Variants in ASZ1 observed in about 807,000 individuals in gnomAD.
ASZ1 encodes the protein ankyrin repeat, SAM and basic leucine zipper domain containing 1, also known as ankyrin repeat, SAM and basic leucine zipper domain-containing protein 1.
In ASZ1, 67 loss-of-function variants were observed where a neutral mutation model predicts 61.8. The observed-to-expected ratio is 1.08, with a 90% CI of 0.89 to 1.33. The LOEUF (loss-of-function observed/expected upper bound fraction) is 1.33, where lower values mean the gene tolerates loss of function less well. Ranked by LOEUF, ASZ1 falls within the 40% of genes most tolerant of loss-of-function variation. ASZ1 has a pLI of 0.00. For synonymous variants in ASZ1, 193 were observed against 192.7 expected, an observed-to-expected ratio of 1.00 and a Z score of -0.01; for missense variants, 577 against 554.5, an observed-to-expected ratio of 1.04 and a Z score of -0.41.
chr7:117,412,058 GT>G (rs1192908642), intron 4 of ASZ1, among the ~76,000 whole-genome samples: 5 of 149,990 alleles, frequency 3.3e-5, no homozygotes, highest in African/African-American at 1.2e-4. Flanking sequence ...GTGTGTGTGT[GT>G]GTGTGTGTGT....
chr7:117,383,042 G>A lies in ASZ1; in HGVS notation c.756C>T (p.Asp252=). Residue 252 remains aspartate, a synonymous_variant, in exon 7 of 13, where the codon GAC becomes GAT. Coordinates refer to ENST00000284629, the MANE Select transcript of ASZ1 (RefSeq NM_130768.3). ...EGKLQQLTKE[D]TICKILTTDS... is the part of the protein sequence containing the mutation. ...CTGTTGTCAATATTTTACAAATAGT[G>A]TCTTCTTTAGTTAGCTGTTGAAGTT... The A allele has an allele frequency of 6.3e-7, 1 of 1,587,378 alleles. No homozygotes were observed. Among genetic ancestry groups the A allele is most frequent in the Non-Finnish European group, 8.6e-7 (1 of 1,168,830 alleles).
chr7:117,426,818 C>T lies in ASZ1; in HGVS notation c.205+18G>A. The T allele has an allele frequency of 6.3e-7, 1 of 1,576,822 alleles. No individual in the cohort carries two copies. The highest frequency in any genetic ancestry group is 1.2e-5 in the South Asian group (1 of 84,886). ...TTAAGACAGCTGTGTTCAGATGAAA[C>T]TGTCCCTTATCTCTCACCAGAATCT... On this transcript the variant is annotated intron_variant, in intron 2 of 12. Transcript: ENST00000284629.
chr7:117,399,690 G>A (rs556718216), intron 4 of ASZ1, among the ~76,000 whole-genome samples: 1 of 151,966 alleles, frequency 6.6e-6, no homozygotes, highest in East Asian at 1.9e-4. Context: ...TTGCTAAGGG[G>A]TGGGGGCTGG....
intron 12 of ASZ1, among the ~76,000 whole-genome samples, chr7:117,365,147 A>T (rs1349432198): frequency 6.6e-6 from 1 of 152,224 alleles, no homozygotes; most frequent in Non-Finnish European, 1.5e-5. Context: ...CTTGTACAAG[A>T]CTAATCTGAA....
intron 4 of ASZ1, among the ~76,000 whole-genome samples, chr7:117,410,697 A>G (rs562250950): frequency 2.6e-5 from 4 of 151,684 alleles, no homozygotes; most frequent in Admixed American, 6.6e-5. Flanking sequence ...AGCTATTAGT[A>G]CTTCAGGACA....
chr7:117,426,669 A>G (rs1372066466), intron 2 of ASZ1, among the ~76,000 whole-genome samples, 167 bp downstream of exon 2: 1 of 152,064 alleles, frequency 6.6e-6, no homozygotes, highest in Non-Finnish European at 1.5e-5. Context: ...GCAAGCAGAG[A>G]GGAAGAAAAT....
At chr7:117,388,298 A>G (rs1046087057) in intron 4 of ASZ1, among the ~76,000 whole-genome samples, 5 of 152,178 alleles carry the variant, frequency 3.3e-5, no homozygotes, top group African/African-American at 1.2e-4. Context: ...ATGCTTCCCA[A>G]CTCATTCTAT....
chr7:117,400,847 C>T (rs1796666947), intron 4 of ASZ1, among the ~76,000 whole-genome samples: 1 of 152,152 alleles, frequency 6.6e-6, no homozygotes. Flanking sequence ...GTGGAAAATA[C>T]AGGAAATAAA....
rs1795963945 is a variant in ASZ1, at chr7:117,367,431, G to C, written c.1196C>G (p.Thr399Ser). 2 of 1,554,420 alleles carry C rather than the reference G, an allele frequency of 1.3e-6. No individual in the cohort carries two copies. The highest frequency in any genetic ancestry group is 1.7e-6 in the Non-Finnish European group (2 of 1,152,010). Residue 399 changes from threonine (T) to serine (S), a missense_variant, in exon 12 of 13, where the codon ACT (threonine) becomes AGT (serine). Coordinates refer to ENST00000284629, the MANE Select transcript of ASZ1 (RefSeq NM_130768.3). ...TLEWASPQNF[T>S]SVCEELVNNV... ...ATTAACCAATTCTTCACAAACTGAAGTAAAATTCTGGGGAGAAGCCCATTC... is the reference window on the plus strand; with the variant it reads ...ATTAACCAATTCTTCACAAACTGAACTAAAATTCTGGGGAGAAGCCCATTC...
chr7:117,427,405 T>A lies in ASZ1; in HGVS notation c.56A>T (p.Glu19Val). ...AATCTCCCAGCCATCATCCTCGCTC[T>A]CGCTACTCTCGCCTCCGCCAGCCAC... is the stretch of plus-strand genomic sequence containing the variant. ...LPVAGGGESS[E>V]SEDDGWEIGY... The change falls in exon 1 of 13, where the codon GAG becomes GTG. Residue 19 changes from glutamate (E) to valine (V), a missense_variant. Physicochemically the swap from Glu to Val is moderately radical, Grantham distance 121. Coordinates refer to ENST00000284629, the MANE Select transcript of ASZ1 (RefSeq NM_130768.3). 6.2e-7 allele frequency: 1 copy of A among 1,614,146 alleles called. No homozygotes were observed. The highest frequency in any genetic ancestry group is 8.5e-7 in the Non-Finnish European group (1 of 1,180,010).
At position 117,386,656 on chromosome 7, in the gene ASZ1, T is replaced by A. The variant is rs532036074; in HGVS notation, c.441-847A>T. 5.3e-5 allele frequency among the ~76,000 whole-genome samples: 8 copies of A among 152,286 alleles called. No homozygotes were observed. The South Asian group carries it at 1.7e-3, about 32-fold the overall frequency. On this transcript the variant is annotated intron_variant, in intron 4 of 12. Transcript: ENST00000284629. ...AACTTTGGAAAAGAAAAATAAATAA[T>A]TTCAGAGTTCCATGTTTTGATCTTA...
At chr7:117,420,408 G>C in intron 3 of ASZ1, 134 bp from the exon 4 acceptor site, 1 of 541,756 alleles carries the variant, frequency 1.8e-6, no homozygotes, top group Non-Finnish European at 3.1e-6. Context: ...ACTCTTAGCA[G>C]GTAACTTTGT....
At chr7:117,383,672 C>T (rs1380059874) in intron 6 of ASZ1, among the ~76,000 whole-genome samples, 4 of 152,004 alleles carry the variant, frequency 2.6e-5, no homozygotes, top group Non-Finnish European at 4.4e-5. Context: ...GGTTATATCA[C>T]ATACTCAGCC....
Position 117,363,485 on chromosome 7 carries a change from T to A in ASZ1, c.*111A>T, listed in dbSNP as rs989727. ...CTCCACATTGTCAAAATTTTTCCTA[T>A]GGAATATTGGCAAAGAATGTAAAGT... On this transcript the variant is annotated 3_prime_UTR_variant, in exon 13 of 13. Transcript: ENST00000284629. 100,808 of 960,770 alleles carry A rather than the reference T, an allele frequency of 0.1. 8,390 individuals carry two copies. The highest frequency in any genetic ancestry group is 0.44 in the East Asian group (14,108 of 31,864). The allele number at this position is 960,770 out of a possible 1,614,324, so 59.5% of individuals were successfully genotyped here.
intron 8 of ASZ1, among the ~76,000 whole-genome samples, chr7:117,381,716 T>C (rs1171207441): frequency 6.6e-6 from 1 of 152,050 alleles, no homozygotes; most frequent in Admixed American, 6.6e-5. Context: ...ATTTCAGTGA[T>C]TAAACATTAG....
intron 4 of ASZ1, among the ~76,000 whole-genome samples, chr7:117,399,143 T>C (rs1276896970): frequency 6.6e-6 from 1 of 152,158 alleles, no homozygotes; most frequent in Non-Finnish European, 1.5e-5. Context: ...GGCAGGAGGA[T>C]GGCCTGAGCC....
chr7:117,407,362 A>G (rs1015337402), intron 4 of ASZ1, among the ~76,000 whole-genome samples: 1 of 152,070 alleles, frequency 6.6e-6, no homozygotes, highest in Non-Finnish European at 1.5e-5. Flanking sequence ...AGATGTAAGG[A>G]AAAGTTGACC....
At chr7:117,426,201 G>C (rs925124365) in intron 2 of ASZ1, among the ~76,000 whole-genome samples, 4 of 151,820 alleles carry the variant, frequency 2.6e-5, no homozygotes, top group Admixed American at 6.6e-5. Flanking sequence ...CATACAACAG[G>C]CAGGGCACGG....
chr7:117,400,089 C>T (rs1334817009), intron 4 of ASZ1, among the ~76,000 whole-genome samples: 1 of 152,142 alleles, frequency 6.6e-6, no homozygotes, highest in African/African-American at 2.4e-5. Context: ...GTATTTGTCA[C>T]GTCTCTGTAC....
Sources: allele counts gnomAD v4.1 joint callset (sites outside exome capture counted in the v4.1 genomes callset), GRCh38; gene constraint gnomAD v4.1.1; transcripts MANE v1.5; gene names NCBI Gene and HGNC (gene_info 2026-07-23, HGNC 2026-07-21).